ZC3H12B: variants seen among roughly 807,000 people sequenced by gnomAD.
The protein encoded by ZC3H12B is probable ribonuclease ZC3H12B.
Under a neutral mutation model 43.9 loss-of-function variants are expected in ZC3H12B, and 7 were observed. That is an observed-to-expected ratio of 0.16 (90% CI 0.09 to 0.30). The LOEUF is 0.30. Ranked by LOEUF, ZC3H12B falls within the 10% of genes least tolerant of loss-of-function variation. The probability of loss-of-function intolerance (pLI) is 1.00; values close to 1 mark genes in which losing one functional copy is unlikely to be tolerated. For missense variants in ZC3H12B, 475 were observed against 670.2 expected, an observed-to-expected ratio of 0.71 and a Z score of 3.22; for synonymous variants, 222 against 241.7, an observed-to-expected ratio of 0.92 and a Z score of 0.76.
the ZC3H12B span, among the ~76,000 whole-genome samples, chrX:65,179,897 A>T: frequency 1.8e-5 from 2 of 111,921 alleles, no homozygotes; most frequent in Non-Finnish European, 3.8e-5. Context: ...AGGACCAGAT[A>T]ACTTCACAGG....
the ZC3H12B span, among the ~76,000 whole-genome samples, chrX:65,123,228 T>A: frequency 1.8e-5 from 2 of 111,958 alleles, no homozygotes; most frequent in Non-Finnish European, 3.8e-5. Context: ...TGGATTACAT[T>A]TATTGATTTG....
intron 1 of ZC3H12B, among the ~76,000 whole-genome samples, chrX:65,492,998 G>A (rs1318904610): frequency 9.0e-6 from 1 of 111,179 alleles, no homozygotes; most frequent in African/African-American, 3.3e-5. Flanking sequence ...AGCTACTTGG[G>A]GGGCTGAGGT....
At chrX:65,257,850 A>T in the ZC3H12B span, among the ~76,000 whole-genome samples, 1 of 111,262 alleles carries the variant, frequency 9.0e-6, no homozygotes, top group Non-Finnish European at 1.9e-5. Context: ...TAAAGCCCTG[A>T]ACAGACTAAT....
the ZC3H12B span, among the ~76,000 whole-genome samples, chrX:65,252,539 A>C: frequency 1.8e-5 from 2 of 111,807 alleles, no homozygotes; most frequent in Non-Finnish European, 3.8e-5. Flanking sequence ...AGCACAGAAA[A>C]CTTAAGGGAA....
the ZC3H12B span, among the ~76,000 whole-genome samples, chrX:65,293,160 G>T: frequency 9.0e-6 from 1 of 111,419 alleles, no homozygotes; most frequent in Admixed American, 9.5e-5. Flanking sequence ...ACTGGAAGAT[G>T]GATCACACCA....
At chrX:65,220,307 G>A in the ZC3H12B span, among the ~76,000 whole-genome samples, 7 of 111,257 alleles carry the variant, frequency 6.3e-5, no homozygotes, top group Admixed American at 4.8e-4. Flanking sequence ...AAAACCCAAG[G>A]TGCTGAGACA....
intron 2 of ZC3H12B, among the ~76,000 whole-genome samples, chrX:65,381,367 G>A (rs1386625033): frequency 9.0e-6 from 1 of 111,408 alleles, no homozygotes; most frequent in Non-Finnish European, 1.9e-5. Flanking sequence ...GGTACATAAC[G>A]AAATGAAGGC....
At chrX:65,304,898 A>G in the ZC3H12B span, among the ~76,000 whole-genome samples, 1 of 111,799 alleles carries the variant, frequency 8.9e-6, no homozygotes, top group East Asian at 2.8e-4. Context: ...AAGACAAGCT[A>G]TAGACGTGGA....
intron 3 of ZC3H12B, among the ~76,000 whole-genome samples, chrX:65,473,793 G>A (rs1036840507): frequency 1.7e-4 from 19 of 111,543 alleles, no homozygotes; most frequent in African/African-American, 5.5e-4. Flanking sequence ...ATATATTGCA[G>A]TTATTGCTTT....
the ZC3H12B span, among the ~76,000 whole-genome samples, chrX:65,148,611 G>A: frequency 1.8e-5 from 2 of 111,225 alleles, no homozygotes; most frequent in Non-Finnish European, 3.8e-5. Context: ...GGTCCACGGC[G>A]AAGTCTAGTG....
At chrX:65,185,830 C>A in the ZC3H12B span, 1 of 111,404 alleles carries the variant, frequency 9.0e-6, no homozygotes, top group African/African-American at 3.3e-5. Context: ...TTCTTGATAA[C>A]CAAATCTTGA....
the ZC3H12B span, among the ~76,000 whole-genome samples, chrX:65,346,919 C>A: frequency 8.9e-6 from 1 of 112,437 alleles, no homozygotes; most frequent in East Asian, 2.8e-4. Flanking sequence ...CTGAAGAGAG[C>A]AGCGGACCTC....
the ZC3H12B span, among the ~76,000 whole-genome samples, chrX:65,124,043 A>G: frequency 9.0e-6 from 1 of 111,144 alleles, no homozygotes; most frequent in Non-Finnish European, 1.9e-5. Flanking sequence ...AGAAGTGGTT[A>G]AAGTGGGAAT....
chrX:65,442,837 T>C (rs925239909), intron 3 of ZC3H12B, among the ~76,000 whole-genome samples: 4 of 111,805 alleles, frequency 3.6e-5, no homozygotes, highest in African/African-American at 9.8e-5. Flanking sequence ...GGGGGTGTAT[T>C]CTAACAGGGA....
chrX:65,325,811 G>A, the ZC3H12B span, among the ~76,000 whole-genome samples: 2 of 111,344 alleles, frequency 1.8e-5, no homozygotes, highest in East Asian at 5.6e-4. Context: ...CAACATGCTA[G>A]TAATTCAAAC....
the ZC3H12B span, chrX:65,330,944 A>T: frequency 3.2e-6 from 1 of 307,857 alleles, no homozygotes; most frequent in Non-Finnish European, 6.4e-6. Context: ...TACACACAAG[A>T]TGTCTTCTTT....
chrX:65,331,671 G>C, the ZC3H12B span, among the ~76,000 whole-genome samples: 1 of 110,634 alleles, frequency 9.0e-6, no homozygotes, highest in Admixed American at 9.7e-5. Flanking sequence ...GCAGTGGCTT[G>C]AGCTGTTCAA....
the ZC3H12B span, among the ~76,000 whole-genome samples, chrX:65,288,947 A>G: frequency 9.0e-6 from 1 of 111,554 alleles, no homozygotes; most frequent in Non-Finnish European, 1.9e-5. Context: ...TACATTAAAA[A>G]TGTTCTAGCT....
At chrX:65,227,613 C>G in the ZC3H12B span, among the ~76,000 whole-genome samples, 12 of 110,555 alleles carry the variant, frequency 1.1e-4, no homozygotes, top group Admixed American at 3.8e-4. Flanking sequence ...TTGAAAGGAT[C>G]AACAAAATTG....
Sources: gnomAD v4.1 joint callset for allele counts (sites outside exome capture counted in the v4.1 genomes callset) on GRCh38, gnomAD v4.1.1 for gene constraint, MANE v1.5 for transcripts, NCBI Gene and HGNC (gene_info 2026-07-23, HGNC 2026-07-21) for gene names.